The following RAD51B variants were observed in gnomAD, a reference collection of about 807,000 sequenced individuals.
The protein encoded by RAD51B is DNA repair protein RAD51 homolog 2.
Under a neutral mutation model 42.2 loss-of-function variants are expected in RAD51B, and 38 were observed. That is an observed-to-expected ratio of 0.90 (90% CI 0.70 to 1.18). The LOEUF is 1.18. Among genes scored for constraint, RAD51B ranks in the 50% most tolerant of loss-of-function variants. The pLI, the probability that RAD51B is intolerant of heterozygous loss-of-function variation, is 0.00. For synonymous variants in RAD51B, 154 were observed against 145.2 expected (o/e 1.06, Z -0.43); for missense variants, 373 against 400.7 (o/e 0.93, Z 0.59).
At chr14:68,615,486 C>T (rs1025929699), downstream of RAD51B, among the ~76,000 whole-genome samples, 1 of 152,236 alleles carries the variant, frequency 6.6e-6, no homozygotes, top group South Asian at 2.1e-4. Flanking sequence ...GCTGGGACTA[C>T]AGGCGTCCAC....
At chr14:68,399,480 A>G (rs1371589032) in intron 8 of RAD51B, among the ~76,000 whole-genome samples, 5 of 152,022 alleles carry the variant, frequency 3.3e-5, no homozygotes, top group Non-Finnish European at 7.4e-5. Context: ...GATGGCCTCC[A>G]TCTCCTGACT....
chr14:67,829,472 G>C (rs906714998), intron 3 of RAD51B, among the ~76,000 whole-genome samples: 1 of 152,044 alleles, frequency 6.6e-6, no homozygotes, highest in African/African-American at 2.4e-5. Context: ...TCGATCTCCT[G>C]ACCTCATGAT....
chr14:68,418,900 A>G (rs2084627342), intron 9 of RAD51B, among the ~76,000 whole-genome samples: 1 of 152,224 alleles, frequency 6.6e-6, no homozygotes, highest in Non-Finnish European at 1.5e-5. Flanking sequence ...TTACAAATGA[A>G]TCAGCACTTT....
At chr14:68,682,675 G>C (rs1893455514) in intron 11 of RAD51B, among the ~76,000 whole-genome samples, 1 of 151,988 alleles carries the variant, frequency 6.6e-6, no homozygotes, top group South Asian at 2.1e-4. Flanking sequence ...TTCCCATCCT[G>C]CTCCCCTTCC....
intron 10 of RAD51B, among the ~76,000 whole-genome samples, chr14:68,605,760 G>A (rs1891420277): frequency 6.6e-6 from 1 of 152,098 alleles, no homozygotes; most frequent in Admixed American, 6.5e-5. Flanking sequence ...ATGAATTTGG[G>A]GGGACACTAT....
rs78515565 is a variant in RAD51B at position 68,178,834 on chromosome 14, G to A, written c.757-113050G>A. Among the ~76,000 whole-genome samples the A allele has an allele frequency of 5.0e-3, 763 of 152,146 alleles. 5 individuals are homozygous for A. Among genetic ancestry groups the A allele is most frequent in the African/African-American group, 0.018 (733 of 41,496 alleles). Reference sequence around the variant, plus strand: ...CTGATGTTGTTTGGCTGTGACATGCGTAAACAGATGTTGTAAAAAACCTGA... The same window carrying A: ...CTGATGTTGTTTGGCTGTGACATGCATAAACAGATGTTGTAAAAAACCTGA... On this transcript the variant is annotated intron_variant, in intron 7 of 10. Transcript: ENST00000471583.
chr14:67,968,859 A>G (rs1022447178), intron 7 of RAD51B, among the ~76,000 whole-genome samples: 2 of 152,150 alleles, frequency 1.3e-5, no homozygotes, highest in African/African-American at 4.8e-5. Flanking sequence ...CTCCAATGGT[A>G]CCAATTTACT....
intron 10 of RAD51B, chr14:68,563,936 C>T (rs537297949): frequency 1.0e-6 from 1 of 981,904 alleles, no homozygotes; most frequent in Non-Finnish European, 1.2e-6. Context: ...TAATATTGGC[C>T]CTGATAGAGA....
At chr14:68,121,436 A>G (rs1028948341) in intron 7 of RAD51B, among the ~76,000 whole-genome samples, 9 of 152,154 alleles carry the variant, frequency 5.9e-5, no homozygotes, top group African/African-American at 1.2e-4. Flanking sequence ...TTTGTACCAT[A>G]TGACCCCATC....
chr14:68,077,870 C>T (rs770044050), intron 7 of RAD51B, among the ~76,000 whole-genome samples: 10 of 152,232 alleles, frequency 6.6e-5, no homozygotes, highest in East Asian at 3.8e-4. Context: ...GCAGGCGAAT[C>T]GCTTGAACCC....
At chr14:68,322,751 T>C (rs2082179101) in intron 8 of RAD51B, among the ~76,000 whole-genome samples, 1 of 152,138 alleles carries the variant, frequency 6.6e-6, no homozygotes, top group Non-Finnish European at 1.5e-5. Flanking sequence ...ATTAGGAACC[T>C]AAAAGCTAGG....
At chr14:68,524,455 C>G (rs953767030) in intron 10 of RAD51B, among the ~76,000 whole-genome samples, 2 of 152,050 alleles carry the variant, frequency 1.3e-5, no homozygotes, top group Non-Finnish European at 2.9e-5. Flanking sequence ...GGTTCAAGAC[C>G]AAGAAATAGA....
chr14:68,650,887 CA>C, intron 11 of RAD51B: 1 of 730,788 alleles, frequency 1.4e-6, no homozygotes, highest in South Asian at 1.4e-5. Context: ...TCCCTCACAA[CA>C]GGGAAAAGTA....
chr14:68,443,546 T>C (rs1208284481), intron 9 of RAD51B, among the ~76,000 whole-genome samples: 2 of 152,206 alleles, frequency 1.3e-5, no homozygotes, highest in Non-Finnish European at 2.9e-5. Context: ...GTGAGCCTTA[T>C]GTGGATTTGC....
At chr14:68,121,655 A>G (rs1292424140) in intron 7 of RAD51B, among the ~76,000 whole-genome samples, 1 of 152,194 alleles carries the variant, frequency 6.6e-6, no homozygotes, top group East Asian at 1.9e-4. Flanking sequence ...TTACAAGAAA[A>G]AGAAATTAGA....
At chr14:67,898,231 A>G (rs185346538) in intron 7 of RAD51B, among the ~76,000 whole-genome samples, 3 of 152,356 alleles carry the variant, frequency 2.0e-5, no homozygotes, top group Admixed American at 2.0e-4. Context: ...ACAATGATAT[A>G]TTATTTAGCC....
intron 8 of RAD51B, among the ~76,000 whole-genome samples, chr14:68,342,842 G>T (rs778736135): frequency 6.6e-6 from 1 of 152,088 alleles, no homozygotes; most frequent in Non-Finnish European, 1.5e-5. Flanking sequence ...TCAGTTTTAG[G>T]TGAATACCAA....
At chr14:67,879,536 G>A (rs2042839791) in intron 5 of RAD51B, among the ~76,000 whole-genome samples, 1 of 151,874 alleles carries the variant, frequency 6.6e-6, no homozygotes, top group East Asian at 1.9e-4. Flanking sequence ...TCCAGCTCCC[G>A]GACTTAAGAG....
At chr14:68,160,753 A>G (rs1314232269) in intron 7 of RAD51B, among the ~76,000 whole-genome samples, 2 of 152,138 alleles carry the variant, frequency 1.3e-5, no homozygotes, top group African/African-American at 4.8e-5. Flanking sequence ...TCCCTTTTTC[A>G]GCCTTCTGGC....
Sources: allele counts gnomAD v4.1 joint callset (sites outside exome capture counted in the v4.1 genomes callset), GRCh38; gene constraint gnomAD v4.1.1; transcripts MANE v1.5; gene names NCBI Gene and HGNC (gene_info 2026-07-23, HGNC 2026-07-21).